SUGCT: variants seen among roughly 807,000 people sequenced by gnomAD.
The protein encoded by SUGCT is succinyl-CoA:glutarate CoA-transferase.
A neutral mutation model predicts 55.0 loss-of-function variants in SUGCT; 41 were observed. The ratio of observed to expected loss-of-function variants is 0.74; its 90% CI spans 0.58 to 0.97. The LOEUF is 0.97. SUGCT is among the 50% of genes least tolerant of loss of function. The pLI is 0.00. For missense variants in SUGCT, 568 were observed against 547.8 expected, an observed-to-expected ratio of 1.04 and a Z score of -0.37; for synonymous variants, 187 against 200.4, an observed-to-expected ratio of 0.93 and a Z score of 0.56.
intron 12 of SUGCT, among the ~76,000 whole-genome samples, chr7:40,670,169 C>CAAAAAAAAAA (rs34786531): frequency 3.3e-4 from 19 of 58,206 alleles, no homozygotes; most frequent in Admixed American, 6.5e-4. Flanking sequence ...GACTCCATCT[C>CAAAAAAAAAA]AAAAAAAAAA....
the SUGCT span, among the ~76,000 whole-genome samples, chr7:41,014,719 A>G: frequency 2.0e-5 from 3 of 152,228 alleles, no homozygotes; most frequent in African/African-American, 7.2e-5. Context: ...AAAACTTGGG[A>G]GCACAATGAA....
chr7:40,713,098 G>A (rs1037927996), intron 12 of SUGCT, among the ~76,000 whole-genome samples: 2 of 152,148 alleles, frequency 1.3e-5, no homozygotes, highest in African/African-American at 4.8e-5. Context: ...CTTCTGTTCC[G>A]TTTCCTCACT....
chr7:40,478,748 C>T (rs941822343), intron 11 of SUGCT, among the ~76,000 whole-genome samples: 3 of 152,070 alleles, frequency 2.0e-5, no homozygotes, highest in Non-Finnish European at 4.4e-5. Context: ...ACTGCAGTCA[C>T]GTTGTTTACT....
intron 12 of SUGCT, among the ~76,000 whole-genome samples, chr7:40,641,304 A>G (rs1800258770): frequency 6.6e-6 from 1 of 152,324 alleles, no homozygotes; most frequent in South Asian, 2.1e-4. Flanking sequence ...AATTGAAAGT[A>G]AAGGGCAGAG....
At chr7:40,953,627 T>C in the SUGCT span, among the ~76,000 whole-genome samples, 1 of 152,034 alleles carries the variant, frequency 6.6e-6, no homozygotes, top group African/African-American at 2.4e-5. Flanking sequence ...CAGGTGGGGT[T>C]TTGGTGTGGA....
At chr7:40,203,120 G>A (rs189644787) in intron 6 of SUGCT, among the ~76,000 whole-genome samples, 4 of 152,288 alleles carry the variant, frequency 2.6e-5, no homozygotes, top group African/African-American at 9.6e-5. Flanking sequence ...GGGGAAAACA[G>A]CTTGCTCCTC....
intron 12 of SUGCT, among the ~76,000 whole-genome samples, chr7:40,534,031 G>T (rs1406549279): frequency 6.6e-6 from 1 of 152,116 alleles, no homozygotes; most frequent in Admixed American, 6.5e-5. Flanking sequence ...TTGTAGCTAA[G>T]TGTTTGTGTG....
intron 7 of SUGCT, among the ~76,000 whole-genome samples, chr7:40,244,082 A>G (rs1789649412): frequency 6.6e-6 from 1 of 152,208 alleles, no homozygotes; most frequent in African/African-American, 2.4e-5. Flanking sequence ...CTGAGGCAAG[A>G]GAATCACTTG....
At chr7:40,994,402 C>CG in the SUGCT span, among the ~76,000 whole-genome samples, 1 of 129,834 alleles carries the variant, frequency 7.7e-6, no homozygotes, top group Non-Finnish European at 1.8e-5. Flanking sequence ...AAAGAGTCAC[C>CG]CCCCCATTTT....
intron 1 of SUGCT, among the ~76,000 whole-genome samples, chr7:40,140,819 T>G (rs1191146465): frequency 1.3e-5 from 2 of 152,220 alleles, no homozygotes; most frequent in Non-Finnish European, 2.9e-5. Context: ...ACTTGGGATA[T>G]TTTTGGCTAT....
chr7:40,207,601 G>A (rs1416016025), intron 6 of SUGCT, among the ~76,000 whole-genome samples: 1 of 152,136 alleles, frequency 6.6e-6, no homozygotes, highest in Non-Finnish European at 1.5e-5. Flanking sequence ...TGGGTCACTC[G>A]ATGCCAGAAG....
At chr7:40,236,679 G>GTCAGGGAA (rs1789035085) in intron 6 of SUGCT, among the ~76,000 whole-genome samples, 1 of 152,096 alleles carries the variant, frequency 6.6e-6, no homozygotes, top group African/African-American at 2.4e-5. Flanking sequence ...ACCTGTTGGA[G>GTCAGGGAA]TCAGGGAAGT....
chr7:40,149,488 A>G (rs1332349079), intron 1 of SUGCT, among the ~76,000 whole-genome samples: 1 of 152,188 alleles, frequency 6.6e-6, no homozygotes, highest in South Asian at 2.1e-4. Context: ...TAGCCATAAG[A>G]TTAGAAATTA....
chr7:40,918,990 A>G, the SUGCT span, among the ~76,000 whole-genome samples: 1 of 152,190 alleles, frequency 6.6e-6, no homozygotes, highest in Non-Finnish European at 1.5e-5. Context: ...ACAAGTGGTG[A>G]TGAGAGAAAA....
chr7:40,561,965 C>T (rs1415237173), intron 12 of SUGCT, among the ~76,000 whole-genome samples: 3 of 147,846 alleles, frequency 2.0e-5, no homozygotes, highest in African/African-American at 7.4e-5. Flanking sequence ...GCTGGAATTA[C>T]AGGCATGAGC....
At chr7:40,493,234 G>A (rs1470524136) in intron 11 of SUGCT, among the ~76,000 whole-genome samples, 1 of 152,178 alleles carries the variant, frequency 6.6e-6, no homozygotes, top group Non-Finnish European at 1.5e-5. Context: ...TAATTTCTCT[G>A]AACCTGAGTT....
chr7:40,382,005 G>A (rs985936666), intron 9 of SUGCT, among the ~76,000 whole-genome samples: 3 of 144,638 alleles, frequency 2.1e-5, no homozygotes, highest in Non-Finnish European at 3.1e-5. Context: ...ATCAAGGGAC[G>A]TGTGTGTGTC....
the SUGCT span, among the ~76,000 whole-genome samples, chr7:40,921,384 G>A: frequency 6.6e-6 from 1 of 152,170 alleles, no homozygotes; most frequent in Non-Finnish European, 1.5e-5. Flanking sequence ...AGGGTGGAAA[G>A]GTCCTAGTGA....
At chr7:40,219,953 TG>T (rs966968862) in intron 6 of SUGCT, among the ~76,000 whole-genome samples, 1 of 152,190 alleles carries the variant, frequency 6.6e-6, no homozygotes, top group African/African-American at 2.4e-5. Context: ...TGCTGGCTGG[TG>T]TTTTTTAGTA....
Sources: allele counts gnomAD v4.1 joint callset (sites outside exome capture counted in the v4.1 genomes callset), GRCh38; gene constraint gnomAD v4.1.1; transcripts MANE v1.5; gene names NCBI Gene and HGNC (gene_info 2026-07-23, HGNC 2026-07-21).